CRLF1: variants seen among roughly 807,000 people sequenced by gnomAD.
CRLF1 encodes the protein cytokine receptor like factor 1, also known as cytokine receptor-like factor 1.
CRLF1 carries 36 observed loss-of-function variants against 48.9 expected under a neutral mutation model. That is an observed-to-expected ratio of 0.74 (90% CI 0.56 to 0.97). The LOEUF (loss-of-function observed/expected upper bound fraction) is 0.97. Among genes scored for constraint, CRLF1 ranks in the 50% least tolerant of loss-of-function variants. CRLF1 has a pLI of 0.00. For synonymous variants in CRLF1, 256 were observed against 253.4 expected (o/e 1.01, Z -0.10); for missense variants, 534 against 575.1 (o/e 0.93, Z 0.73).
intron 3 of CRLF1, 82 bp from the exon 4 acceptor site, chr19:18,598,683 C>G (rs1253130722): frequency 6.2e-6 from 10 of 1,613,642 alleles, no homozygotes; most frequent in Non-Finnish European, 8.5e-6. Flanking sequence ...AGGGTGCAGA[C>G]AACACATGGG....
Position 18,596,776 on chromosome 19 carries a change from C to A in CRLF1, c.870G>T (p.Val290=). The A allele has an allele frequency of 6.2e-7, 1 of 1,613,922 alleles. No individual in the cohort carries two copies. Among genetic ancestry groups the A allele is most frequent in the South Asian group, 1.1e-5 (1 of 91,062 alleles). Residue 290 remains valine (V), a synonymous_variant, in exon 6 of 9, where the codon GTG becomes GTT. Coordinates refer to ENST00000392386, the MANE Select transcript of CRLF1 (RefSeq NM_004750.5). ...CCAGGCGGCAGGAGGTCTGGTTGCT[C>A]ACATCGTCCACCACCTGGACAGTGA... is the stretch of plus-strand genomic sequence containing the variant. The part of the protein sequence containing the change: ...DSVDWKVVDD[V]SNQTSCRLAG...
At chr19:18,604,978 C>T (rs757510246) in intron 1 of CRLF1, among the ~76,000 whole-genome samples, 2 of 152,154 alleles carry the variant, frequency 1.3e-5, no homozygotes, top group Non-Finnish European at 2.9e-5. Flanking sequence ...AGGGTCCCCA[C>T]GGGGGTCCCC....
Position 18,596,621 on chromosome 19 carries a change from C to A in CRLF1, c.1024+1G>T, listed in dbSNP as rs1396540092. 3.7e-6 allele frequency: 6 copies of A among 1,613,932 alleles called. No individual in the cohort carries two copies. Among genetic ancestry groups the A allele is most frequent in the Non-Finnish European group, 5.1e-6 (6 of 1,179,926 alleles). On this transcript the variant is annotated splice_donor_variant, in intron 6 of 8. Transcript: ENST00000392386. LOFTEE classifies it high-confidence loss of function. ...TCACCCAGCCCTAGGAGGGTGCTCA[C>A]CACTGCGGGGAGTGGAGGCGGCTGT...
At chr19:18,594,032 TCCCTCCC>T in intron 8 of CRLF1, 26 bp downstream of exon 8, 4 of 695,808 alleles carry the variant, frequency 5.7e-6, no homozygotes, top group Non-Finnish European at 8.8e-6. Flanking sequence ...CTCCCCTTGC[TCCCTCCC>T]GCCCACCCAT....
chr19:18,605,372 C>G (rs536499032), intron 1 of CRLF1, among the ~76,000 whole-genome samples: 1 of 152,216 alleles, frequency 6.6e-6, no homozygotes, highest in Non-Finnish European at 1.5e-5. Context: ...ACAGGCAGCC[C>G]GCAAACAGCC....
At chr19:18,593,881 G>A (rs1976089896) in intron 8 of CRLF1, 184 bp downstream of exon 8, 3 of 983,666 alleles carry the variant, frequency 3.0e-6, no homozygotes, top group South Asian at 9.4e-5. Context: ...GGCTAAAGGA[G>A]ACAATGCCAG....
At chr19:18,597,254 C>T (rs943536005) in intron 4 of CRLF1, among the ~76,000 whole-genome samples, 1 of 152,098 alleles carries the variant, frequency 6.6e-6, no homozygotes, top group Non-Finnish European at 1.5e-5. Context: ...GCTGTTATCA[C>T]CATTATTATC....
chr19:18,598,476 C>T lies in CRLF1; in HGVS notation c.653G>A (p.Gly218Asp), dbSNP rs752178642. Reference sequence around the variant, plus strand: ...CGTGAGTACATCGGAGCGGGCAGAGCCCAGGCGGTTGGTGGCCTCCACCCA... The same window carrying T: ...CGTGAGTACATCGGAGCGGGCAGAGTCCAGGCGGTTGGTGGCCTCCACCCA... Reference protein sequence around the residue: ...EIWVEATNRLGSARSDVLTLD... With the variant: ...EIWVEATNRLDSARSDVLTLD... The change falls in exon 4 of 9, where the codon GGC becomes GAC. Residue 218 changes from glycine (G) to aspartate (D), a missense_variant. Around this residue, in one of 2 missense-constraint regions of CRLF1, gnomAD observed 528 missense variants for 555.7 expected, o/e 0.95. Coordinates refer to ENST00000392386, the MANE Select transcript of CRLF1 (RefSeq NM_004750.5). The T allele has an allele frequency of 1.2e-6, 2 of 1,614,090 alleles. No homozygotes were observed. Among genetic ancestry groups the T allele is most frequent in the South Asian group, 1.1e-5 (1 of 91,090 alleles).
chr19:18,599,716 G>T lies in CRLF1; in HGVS notation c.246C>A (p.Arg82=), dbSNP rs759478897. Residue 82 remains arginine, a synonymous_variant, in exon 2 of 9, where the codon CGC becomes CGA. Coordinates refer to ENST00000392386, the MANE Select transcript of CRLF1 (RefSeq NM_004750.5). ...GTACACGGGAGAGCTCAGGGGGCAGGCGGCGCCCGTTGAGGGTCCAGTAGA... is the reference window on the plus strand; with the variant it reads ...GTACACGGGAGAGCTCAGGGGGCAGTCGGCGCCCGTTGAGGGTCCAGTAGA... ...EGLYWTLNGR[R]LPPELSRVLN... 6 of 1,608,872 alleles carry T rather than the reference G, an allele frequency of 3.7e-6. No homozygotes were observed. The African/African-American group carries it at 8.0e-5, about 21-fold the overall frequency.
Position 18,596,641 on chromosome 19 carries a change from G to C in CRLF1, c.1005C>G (p.Ala335=), listed in dbSNP as rs1010700288. The change falls in exon 6 of 9, where the codon GCC becomes GCG. Residue 335 remains alanine, a synonymous_variant. Coordinates refer to ENST00000392386, the MANE Select transcript of CRLF1 (RefSeq NM_004750.5). ...GIWSEWSHPT[A]ASTPRSERPG... is the part of the protein sequence containing the mutation. ...GCTCACCACTGCGGGGAGTGGAGGC[G>C]GCTGTGGGGTGGCTCCACTCACTCC... is the stretch of plus-strand genomic sequence containing the variant. The C allele has an allele frequency of 1.2e-6, 2 of 1,613,824 alleles. No homozygotes were observed. The highest frequency in any genetic ancestry group is 1.7e-6 in the Non-Finnish European group (2 of 1,179,922).
At chr19:18,601,908 T>C (rs2145335069) in intron 1 of CRLF1, among the ~76,000 whole-genome samples, 1 of 152,290 alleles carries the variant, frequency 6.6e-6, no homozygotes, top group Non-Finnish European at 1.5e-5. Context: ...ACTGCCTACC[T>C]CTGGAACTAA....
At chr19:18,596,312 G>A (rs1461099018) in intron 6 of CRLF1, among the ~76,000 whole-genome samples, 1 of 152,172 alleles carries the variant, frequency 6.6e-6, no homozygotes, top group African/African-American at 2.4e-5. Flanking sequence ...GCCGAAATGG[G>A]CAGATCACCC....
At chr19:18,593,803 G>C in intron 8 of CRLF1, 3 of 985,468 alleles carry the variant, frequency 3.0e-6, no homozygotes, top group Non-Finnish European at 3.6e-6. Context: ...TGCTAACTAG[G>C]GTGAGTATGT....
At chr19:18,601,959 A>AAGGGACTTG (rs1976226975) in intron 1 of CRLF1, among the ~76,000 whole-genome samples, 1 of 152,126 alleles carries the variant, frequency 6.6e-6, no homozygotes, top group South Asian at 2.1e-4. Context: ...CTCCCATCCA[A>AAGGGACTTG]AGGGACTTGA....
In CRLF1 at chr19:18,594,442, T is replaced by C. The variant is rs1976102749; in HGVS notation, c.1025-8A>G. On this transcript the variant is annotated splice_polypyrimidine_tract_variant and splice_region_variant and intron_variant, in intron 6 of 8. Coordinates refer to ENST00000392386, the MANE Select transcript of CRLF1 (RefSeq NM_004750.5). Reference sequence around the variant, plus strand: ...CGCCCGGGCCCGGGCGCTCTGGTGGTGGGCGGAGCGGCAGTGTCAGAGCGC... The same window carrying C: ...CGCCCGGGCCCGGGCGCTCTGGTGGCGGGCGGAGCGGCAGTGTCAGAGCGC... 1.4e-6 allele frequency: 2 copies of C among 1,418,762 alleles called. No homozygotes were observed. Among genetic ancestry groups the C allele is most frequent in the East Asian group, 5.7e-5 (2 of 35,228 alleles). 87.9% of individuals were successfully genotyped at this position (1,418,762 alleles called of 1,614,324 possible).
rs763686070 is a variant in CRLF1, at chr19:18,594,414, C to A, written c.1045G>T (p.Gly349Trp). Residue 349 changes from glycine (G) to tryptophan (W), a missense_variant, in exon 7 of 9, where the codon GGG (glycine) becomes TGG (tryptophan). Coordinates refer to ENST00000392386, the MANE Select transcript of CRLF1 (RefSeq NM_004750.5). ...PRSERPGPGG[G>W]ACEPRGGEPS... ...TCTCCGCCCCGCGGTTCGCACGCCC[C>A]GCCGCCCGGGCCCGGGCGCTCTGGT... 3.9e-5 allele frequency: 60 copies of A among 1,529,970 alleles called. 1 individual carries two copies. Among genetic ancestry groups the A allele is most frequent in the South Asian group, 1.1e-4 (9 of 82,904 alleles). 94.8% of individuals were successfully genotyped at this position (1,529,970 alleles called of 1,614,324 possible).
chr19:18,593,620 G>T (rs1190535691), intron 8 of CRLF1, 41 bp from the exon 9 acceptor site: 2 of 1,583,172 alleles, frequency 1.3e-6, no homozygotes, highest in Non-Finnish European at 1.7e-6. Flanking sequence ...GGGAGTCCAG[G>T]AGAGGGCCGC....
At chr19:18,598,715 G>T in intron 3 of CRLF1, 57 bp downstream of exon 3, 2 of 1,613,878 alleles carry the variant, frequency 1.2e-6, no homozygotes, top group African/African-American at 2.7e-5. Context: ...GGTCCGCGTT[G>T]GTCAAGGTCA....
chr19:18,599,948 G>GAGCGTGCGCTGGGTGTCGCCACCCGCCC, intron 1 of CRLF1, 102 bp from the exon 2 acceptor site: 1 of 1,205,788 alleles, frequency 8.3e-7, no homozygotes, highest in Non-Finnish European at 1.1e-6. Flanking sequence ...AAAAGACGCT[G>GAGCGTGCGCTGGGTGTCGCCACCCGCCC]TTAATGATTG....
Sources: gnomAD v4.1 joint callset for allele counts (sites outside exome capture counted in the v4.1 genomes callset) on GRCh38, gnomAD v4.1.1 for gene constraint, gnomAD v4.1.1 regional missense constraint, MANE v1.5 for transcripts, NCBI Gene and HGNC (gene_info 2026-07-23, HGNC 2026-07-21) for gene names.